The following ZCCHC10 variants were observed in gnomAD, a reference collection of about 807,000 sequenced individuals.
The protein encoded by ZCCHC10 is zinc finger CCHC-type containing 10, also known as zinc finger CCHC domain-containing protein 10.
ZCCHC10 carries 16 observed loss-of-function variants against 19.5 expected under a neutral mutation model. The observed-to-expected ratio is 0.82, with a 90% CI of 0.56 to 1.25. The LOEUF is 1.25. ZCCHC10 is among the 50% of genes most tolerant of loss of function. The pLI, the probability that ZCCHC10 is intolerant of heterozygous loss-of-function variation, is 0.00. For synonymous variants in ZCCHC10, 67 were observed against 72.5 expected (o/e 0.92, Z 0.38); for missense variants, 197 against 201.0 (o/e 0.98, Z 0.12).
At chr5:133,010,350 A>G (rs1423219829) in intron 2 of ZCCHC10, among the ~76,000 whole-genome samples, 2 of 152,050 alleles carry the variant, frequency 1.3e-5, no homozygotes, top group African/African-American at 4.8e-5. Context: ...TGCCCAGTAC[A>G]GGTCAGCAAA....
chr5:133,025,022 T>A (rs66709451), intron 1 of ZCCHC10, among the ~76,000 whole-genome samples: 1 of 151,554 alleles, frequency 6.6e-6, no homozygotes, highest in Admixed American at 6.6e-5. Context: ...CCTGAAAGGG[T>A]AGATGGAAAG....
At chr5:133,020,133 CA>C (rs1764206316) in intron 2 of ZCCHC10, among the ~76,000 whole-genome samples, 1 of 152,002 alleles carries the variant, frequency 6.6e-6, no homozygotes, top group East Asian at 1.9e-4. Context: ...GAGTTCAAGA[CA>C]AGCCTGGGCA....
intron 2 of ZCCHC10, among the ~76,000 whole-genome samples, chr5:133,008,716 G>GA (rs1233574227): frequency 4.0e-5 from 6 of 151,570 alleles, no homozygotes; most frequent in African/African-American, 1.5e-4. Flanking sequence ...AACAAATTTT[G>GA]AAAAATTAGC....
chr5:133,019,198 C>T (rs1383973854), intron 2 of ZCCHC10: 2 of 352,174 alleles, frequency 5.7e-6, no homozygotes, highest in African/African-American at 2.3e-5. Flanking sequence ...CTGGGCAACA[C>T]TGTCTCTAAA....
At chr5:133,008,770 G>A (rs1457751195) in intron 2 of ZCCHC10, among the ~76,000 whole-genome samples, 1 of 151,884 alleles carries the variant, frequency 6.6e-6, no homozygotes, top group Admixed American at 6.6e-5. Flanking sequence ...CCAGCACTTT[G>A]GGAGGCCAAG....
chr5:133,020,673 G>A (rs1413873728), intron 2 of ZCCHC10, among the ~76,000 whole-genome samples: 1 of 148,466 alleles, frequency 6.7e-6, no homozygotes, highest in Non-Finnish European at 1.5e-5. Context: ...AGTAAGGTCA[G>A]AGGACATAAG....
intron 2 of ZCCHC10, among the ~76,000 whole-genome samples, chr5:133,018,632 C>T (rs1339436196): frequency 6.6e-6 from 1 of 152,158 alleles, no homozygotes; most frequent in Non-Finnish European, 1.5e-5. Context: ...CTCCTGACCT[C>T]AGGTGATCCT....
chr5:133,026,541 A>G lies in ZCCHC10; in HGVS notation c.-4T>C. On this transcript the variant is annotated 5_prime_UTR_variant, in exon 1 of 5. Coordinates refer to ENST00000509437, the MANE Select transcript of ZCCHC10 (RefSeq NM_001300816.3). ...GCCGATGCATGGGAGTCGCCATCTT[A>G]GCGCGGTCAAAGCCGGCCGCGCAGG... The G allele has an allele frequency of 1.2e-6, 2 of 1,613,418 alleles. No individual in the cohort carries two copies. The highest frequency in any genetic ancestry group is 1.7e-6 in the Non-Finnish European group (2 of 1,179,802).
rs757009310 is a variant in ZCCHC10 at position 133,004,821 on chromosome 5, G to GA, written c.269+1937dup. ...TTAAGTGTTACATATTTAACCTAGA[G>GA]AAACCCTAACCTAAATAGATTGATT... On this transcript the variant is annotated intron_variant, in intron 3 of 4. Coordinates refer to ENST00000509437, the MANE Select transcript of ZCCHC10 (RefSeq NM_001300816.3). Among the ~76,000 whole-genome samples, 13 of 152,212 alleles carry GA rather than the reference G, an allele frequency of 8.5e-5. No individual in the cohort carries two copies. The East Asian group carries it at 2.5e-3, about 29-fold the overall frequency.
chr5:133,007,586 C>T (rs905853445), intron 2 of ZCCHC10, among the ~76,000 whole-genome samples: 8 of 151,688 alleles, frequency 5.3e-5, no homozygotes, highest in Admixed American at 2.6e-4. Context: ...TTTCCCTGCA[C>T]AGTCTCTCTC....
chr5:133,018,396 C>T (rs922590000), intron 2 of ZCCHC10, among the ~76,000 whole-genome samples: 1 of 151,826 alleles, frequency 6.6e-6, no homozygotes, highest in South Asian at 2.1e-4. Flanking sequence ...AATCCTCCCT[C>T]CTTGGCCTCT....
rs1762525807 is a variant in ZCCHC10, at chr5:132,997,887, T to C, written c.*696A>G. 1 of 152,156 alleles carries C rather than the reference T, an allele frequency of 6.6e-6. No individual in the cohort carries two copies. Among genetic ancestry groups the C allele is most frequent in the African/African-American group, 2.4e-5 (1 of 41,458 alleles). 9.4% of individuals were successfully genotyped at this position (152,156 alleles called of 1,614,324 possible). ...GACTTTTAACAGAAGGCACCAAGAT[T>C]AGACTCCTAAGAAGTTTCAATTTTT... On this transcript the variant is annotated 3_prime_UTR_variant, in exon 5 of 5. Coordinates refer to ENST00000509437, the MANE Select transcript of ZCCHC10 (RefSeq NM_001300816.3).
intron 4 of ZCCHC10, among the ~76,000 whole-genome samples, chr5:132,999,192 G>A (rs1206257340): frequency 3.9e-5 from 6 of 152,130 alleles, no homozygotes; most frequent in African/African-American, 1.4e-4. Flanking sequence ...CAAAGTGCTA[G>A]GATTACAGGC....
intron 2 of ZCCHC10, among the ~76,000 whole-genome samples, 168 bp downstream of exon 2, chr5:133,022,673 G>A (rs960793736): frequency 2.0e-5 from 3 of 151,874 alleles, no homozygotes; most frequent in South Asian, 2.1e-4. Flanking sequence ...GGATGGTCTC[G>A]ATCTCTTGAC....
At chr5:133,021,213 TAG>T (rs893392054) in intron 2 of ZCCHC10, among the ~76,000 whole-genome samples, 1 of 152,142 alleles carries the variant, frequency 6.6e-6, no homozygotes, top group African/African-American at 2.4e-5. Flanking sequence ...GTATTTTTAG[TAG>T]AGACAGGGTT....
At chr5:133,020,493 T>G (rs1764231266) in intron 2 of ZCCHC10, among the ~76,000 whole-genome samples, 1 of 151,784 alleles carries the variant, frequency 6.6e-6, no homozygotes, top group Non-Finnish European at 1.5e-5. Context: ...TGTAGTGGGT[T>G]GCAGCTGTAG....
intron 2 of ZCCHC10, among the ~76,000 whole-genome samples, chr5:133,010,444 A>G (rs2126597211): frequency 6.6e-6 from 1 of 152,232 alleles, no homozygotes; most frequent in East Asian, 1.9e-4. Context: ...AGGTACTCAT[A>G]TAACATGAGA....
intron 2 of ZCCHC10, among the ~76,000 whole-genome samples, chr5:133,009,773 C>T (rs925368006): frequency 1.3e-5 from 2 of 151,914 alleles, no homozygotes; most frequent in Non-Finnish European, 2.9e-5. Context: ...AGAGTTAAGA[C>T]GAAGGGCTAT....
In ZCCHC10 at chr5:133,005,258, T is replaced by G. The variant is rs942756022; in HGVS notation, c.269+1501A>C. ...TCGAAGTGAGCTGAGATCGCACCACTGCACTCCAGCCTGGGTGACAGAGCA... is the reference window on the plus strand; with the variant it reads ...TCGAAGTGAGCTGAGATCGCACCACGGCACTCCAGCCTGGGTGACAGAGCA... On this transcript the variant is annotated intron_variant, in intron 3 of 4. Transcript: ENST00000509437. 2.5e-4 allele frequency among the ~76,000 whole-genome samples: 38 copies of G among 151,798 alleles called. 1 individual carries two copies. The highest frequency in any genetic ancestry group is 2.9e-5 in the Non-Finnish European group (2 of 67,966).
Sources: allele counts gnomAD v4.1 joint callset (sites outside exome capture counted in the v4.1 genomes callset), GRCh38; gene constraint gnomAD v4.1.1; transcripts MANE v1.5; gene names NCBI Gene and HGNC (gene_info 2026-07-23, HGNC 2026-07-21).